The following ARHGAP19 variants were observed in gnomAD, a reference collection of about 807,000 sequenced individuals.
ARHGAP19 encodes rho GTPase-activating protein 19.
In ARHGAP19, 48 loss-of-function variants were observed where a neutral mutation model predicts 60.9. The observed-to-expected ratio is 0.79, with a 90% CI of 0.62 to 1.00. ARHGAP19 has a LOEUF of 1.00. ARHGAP19 is among the 50% of genes least tolerant of loss of function. The probability of loss-of-function intolerance (pLI) is 0.00; values close to 1 mark genes in which losing one functional copy is unlikely to be tolerated. For synonymous variants in ARHGAP19, 209 were observed against 215.5 expected (o/e 0.97, Z 0.27); for missense variants, 562 against 597.2 (o/e 0.94, Z 0.61).
At chr10:97,262,528 G>C (rs774983482) in intron 4 of ARHGAP19, among the ~76,000 whole-genome samples, 2 of 152,108 alleles carry the variant, frequency 1.3e-5, no homozygotes, top group African/African-American at 4.8e-5. Flanking sequence ...AGCTAGGCGT[G>C]GTAGCGCGTG....
chr10:97,242,625 G>A (rs993889442), intron 8 of ARHGAP19, among the ~76,000 whole-genome samples: 10 of 152,102 alleles, frequency 6.6e-5, no homozygotes, highest in Non-Finnish European at 8.8e-5. Context: ...CAATTCTCCT[G>A]CCTCAGCCTC....
At chr10:97,251,203 G>GGAA (rs1212401707) in intron 6 of ARHGAP19, among the ~76,000 whole-genome samples, 2 of 59,934 alleles carry the variant, frequency 3.3e-5, no homozygotes, top group Admixed American at 1.5e-4. Flanking sequence ...GAAGGGGAAA[G>GGAA]GGAAGGGGAA....
intron 3 of ARHGAP19, among the ~76,000 whole-genome samples, chr10:97,264,154 A>C (rs1437632107): frequency 6.6e-6 from 1 of 152,152 alleles, no homozygotes; most frequent in Non-Finnish European, 1.5e-5. Context: ...CATCCCAACT[A>C]AACTATTCGT....
At chr10:97,253,478 G>A (rs1341034347) in intron 6 of ARHGAP19, among the ~76,000 whole-genome samples, 2 of 152,040 alleles carry the variant, frequency 1.3e-5, no homozygotes, top group African/African-American at 4.8e-5. Context: ...ATAGTTACCA[G>A]ATGCTGGGAT....
intron 8 of ARHGAP19, among the ~76,000 whole-genome samples, chr10:97,236,464 T>C (rs1195080986): frequency 6.6e-6 from 1 of 152,080 alleles, no homozygotes; most frequent in Non-Finnish European, 1.5e-5. Flanking sequence ...TAAGTATCCC[T>C]CCTGAATAAA....
intron 6 of ARHGAP19, among the ~76,000 whole-genome samples, chr10:97,251,784 A>G (rs200977841): frequency 0.67 from 4 of 6 alleles, 2 homozygotes; most frequent in African/African-American, 1. Context: ...GGAAGGGGAA[A>G]AGGGGAAGAA....
At chr10:97,281,158 G>A (rs934584767) in intron 1 of ARHGAP19, among the ~76,000 whole-genome samples, 1 of 151,444 alleles carries the variant, frequency 6.6e-6, no homozygotes, top group African/African-American at 2.4e-5. Flanking sequence ...CAAGGTGGCA[G>A]GATCACTTGA....
At chr10:97,271,270 T>C (rs922240881) in intron 1 of ARHGAP19, among the ~76,000 whole-genome samples, 8 of 152,138 alleles carry the variant, frequency 5.3e-5, no homozygotes, top group Admixed American at 4.6e-4. Context: ...TTTCACTGTA[T>C]GCTCTTTTGT....
intron 1 of ARHGAP19, among the ~76,000 whole-genome samples, chr10:97,291,041 G>A (rs898560566): frequency 6.6e-6 from 1 of 152,072 alleles, no homozygotes; most frequent in African/African-American, 2.4e-5. Flanking sequence ...TTGCAACTTA[G>A]CTCACACCCA....
At chr10:97,267,335 C>G (rs1431003718) in intron 1 of ARHGAP19, among the ~76,000 whole-genome samples, 1 of 152,236 alleles carries the variant, frequency 6.6e-6, no homozygotes, top group Non-Finnish European at 1.5e-5. Flanking sequence ...TTGGGCAGCT[C>G]TGTCCCTGTG....
intron 10 of ARHGAP19, 74 bp downstream of exon 10, chr10:97,229,690 T>A: frequency 9.2e-7 from 1 of 1,091,284 alleles, no homozygotes; most frequent in South Asian, 1.4e-5. Flanking sequence ...GTAAAACAGA[T>A]GACAGTATAT....
At chr10:97,227,231 C>T (rs72835306) in intron 11 of ARHGAP19, among the ~76,000 whole-genome samples, 1,723 of 152,264 alleles carry the variant, frequency 0.011, 31 homozygotes, top group Middle Eastern at 0.058. Flanking sequence ...ATAAACATCA[C>T]TATCAAAAAA....
intron 1 of ARHGAP19, among the ~76,000 whole-genome samples, chr10:97,281,219 C>CA (rs56674405): frequency 0.043 from 5,645 of 131,452 alleles, 141 homozygotes; most frequent in East Asian, 0.14. Flanking sequence ...TCTGTCACTA[C>CA]AAAAAAAAAA....
chr10:97,268,015 A>C (rs1372913290), intron 1 of ARHGAP19, among the ~76,000 whole-genome samples: 1 of 152,256 alleles, frequency 6.6e-6, no homozygotes, highest in African/African-American at 2.4e-5. Context: ...ATTTCTCTGC[A>C]GAAAATGAGT....
intron 4 of ARHGAP19, 26 bp from the exon 5 acceptor site, chr10:97,259,654 A>G: frequency 1.3e-6 from 2 of 1,574,292 alleles, no homozygotes; most frequent in Admixed American, 1.7e-5. Context: ...GAATTTGCAA[A>G]GTGGGGAGAA....
intron 9 of ARHGAP19, among the ~76,000 whole-genome samples, chr10:97,231,032 G>A (rs1393552421): frequency 7.3e-5 from 1 of 13,644 alleles, no homozygotes; most frequent in African/African-American, 1.1e-4. Flanking sequence ...ACTCCAGCCT[G>A]CACACCTAGT....
rs777675057 is a variant in ARHGAP19, at chr10:97,265,672, T to C, written c.322+188A>G. ...GAAAATATTTGCTTTAGTTTAATTA[T>C]TTATTTATCTAGACAGTTTTTATAA... On this transcript the variant is annotated intron_variant, in intron 2 of 11. Coordinates refer to ENST00000358531, the MANE Select transcript of ARHGAP19 (RefSeq NM_032900.6). 122 of 632,142 alleles carry C rather than the reference T, an allele frequency of 1.9e-4. 1 individual carries two copies. Among genetic ancestry groups the C allele is most frequent in the Non-Finnish European group, 2.9e-4 (111 of 386,272 alleles). The allele number at this position is 632,142 out of a possible 1,614,324, so 39.2% of individuals were successfully genotyped here. A position where few individuals can be genotyped will look rare whatever the true frequency, so the allele number is the denominator to read the frequency against.
rs570175171 is a variant in ARHGAP19, at chr10:97,267,009, G to A, written c.57-884C>T. On this transcript the variant is annotated intron_variant, in intron 1 of 11. Coordinates refer to ENST00000358531, the MANE Select transcript of ARHGAP19 (RefSeq NM_032900.6). Reference sequence around the variant, plus strand: ...TATGCCTCCCCAACAGTCCCCCAAAGTCTTAACTTATTTCAGCATTAACTC... The same window carrying A: ...TATGCCTCCCCAACAGTCCCCCAAAATCTTAACTTATTTCAGCATTAACTC... Among the ~76,000 whole-genome samples the A allele has an allele frequency of 8.5e-5, 13 of 152,218 alleles. No individual in the cohort carries two copies. The East Asian group carries it at 2.1e-3, about 25-fold the overall frequency.
At chr10:97,288,264 C>T (rs1163666821) in intron 1 of ARHGAP19, among the ~76,000 whole-genome samples, 1 of 151,980 alleles carries the variant, frequency 6.6e-6, no homozygotes. Flanking sequence ...CAAGAGGCCA[C>T]ACTATCAACA....
Sources: allele counts gnomAD v4.1 joint callset (sites outside exome capture counted in the v4.1 genomes callset), GRCh38; gene constraint gnomAD v4.1.1; transcripts MANE v1.5; gene names NCBI Gene and HGNC (gene_info 2026-07-23, HGNC 2026-07-21).